The following ITPR1 variants were observed in gnomAD, a reference collection of about 807,000 sequenced individuals.
The protein encoded by ITPR1 is inositol 1,4,5-trisphosphate-gated calcium channel ITPR1.
ITPR1 carries 96 observed loss-of-function variants against 318.4 expected under a neutral mutation model. That is an observed-to-expected ratio of 0.30 (90% confidence interval 0.26 to 0.36). The LOEUF is 0.36. ITPR1 is among the 10% of genes least tolerant of loss of function. The pLI, the probability that ITPR1 is intolerant of heterozygous loss-of-function variation, is 1.00. For synonymous variants in ITPR1, 1,312 were observed against 1,289.9 expected (o/e 1.02, Z -0.37); for missense variants, 2,440 against 3,460.2 (o/e 0.71, Z 7.40).
At chr3:4,499,130 C>T (rs1019985846) in intron 2 of ITPR1, among the ~76,000 whole-genome samples, 1 of 152,102 alleles carries the variant, frequency 6.6e-6, no homozygotes, top group Non-Finnish European at 1.5e-5. Context: ...AGCTACTGTA[C>T]TCCAGCAAGA....
rs563658274 is a variant in ITPR1 at position 4,585,676 on chromosome 3, A to C, written c.164-42087A>C. Among the ~76,000 whole-genome samples, 5 of 152,010 alleles carry C rather than the reference A, an allele frequency of 3.3e-5. No individual in the cohort carries two copies. In the South Asian group the frequency reaches 1.0e-3, roughly 32 times the overall value. ...GGTCTCGAACTCCTGACCTCAAGTG[A>C]TCTACCTGCCTCAGCCTCCCAAAGT... is the stretch of plus-strand genomic sequence containing the variant. On this transcript the variant is annotated intron_variant, in intron 4 of 61. Coordinates refer to ENST00000649015, the MANE Select transcript of ITPR1 (RefSeq NM_001378452.1).
At chr3:4,741,474 C>T (rs187328708) in intron 44 of ITPR1, among the ~76,000 whole-genome samples, 43 of 152,204 alleles carry the variant, frequency 2.8e-4, no homozygotes, top group African/African-American at 9.1e-4. Flanking sequence ...AGAAGTGCTC[C>T]GTCAGGAAAC....
At chr3:4,677,916 A>G (rs1490547155) in intron 24 of ITPR1, among the ~76,000 whole-genome samples, 2 of 125,092 alleles carry the variant, frequency 1.6e-5, no homozygotes, top group Non-Finnish European at 3.7e-5. Context: ...GCCTCTCTAC[A>G]GCTTTGAACC....
intron 4 of ITPR1, among the ~76,000 whole-genome samples, chr3:4,597,479 G>A (rs9871881): frequency 0.7 from 105,858 of 151,980 alleles, 38,253 homozygotes; most frequent in Non-Finnish European, 0.82. Flanking sequence ...ACAGTAATCC[G>A]AGGCCGTATA....
chr3:4,495,945 A>T (rs181257770), intron 2 of ITPR1, among the ~76,000 whole-genome samples: 1 of 152,324 alleles, frequency 6.6e-6, no homozygotes. Context: ...CATAACATTG[A>T]TGTAAGAAGG....
At chr3:4,613,665 T>C (rs2092263007) in intron 4 of ITPR1, among the ~76,000 whole-genome samples, 1 of 152,202 alleles carries the variant, frequency 6.6e-6, no homozygotes, top group Non-Finnish European at 1.5e-5. Context: ...AAAGCATGTT[T>C]TTCCAGCAGT....
At chr3:4,825,608 C>T (rs1048153641) in intron 60 of ITPR1, 1 of 405,656 alleles carries the variant, frequency 2.5e-6, no homozygotes, top group African/African-American at 2.1e-5. Flanking sequence ...GGCCCTTGTG[C>T]TTATCTGTAT....
At chr3:4,801,903 G>A (rs531868462) in intron 54 of ITPR1, among the ~76,000 whole-genome samples, 6 of 152,294 alleles carry the variant, frequency 3.9e-5, no homozygotes, top group African/African-American at 9.6e-5. Context: ...GGGAAAGCTC[G>A]GGATGTTATC....
chr3:4,792,089 C>T (rs1418113201), intron 52 of ITPR1, among the ~76,000 whole-genome samples: 1 of 152,210 alleles, frequency 6.6e-6, no homozygotes, highest in African/African-American at 2.4e-5. Flanking sequence ...CTCCCTCCAC[C>T]TTCAAAGCAG....
In ITPR1 at chr3:4,711,739, G is replaced by T; in HGVS notation, c.4992-18G>T. 7.4e-7 allele frequency: 1 copy of T among 1,345,146 alleles called. No individual in the cohort carries two copies. Among genetic ancestry groups the T allele is most frequent in the East Asian group, 2.5e-5 (1 of 39,942 alleles). The allele number at this position is 1,345,146 out of a possible 1,614,324, so 83.3% of individuals were successfully genotyped here. On this transcript the variant is annotated intron_variant, in intron 38 of 61. Transcript: ENST00000649015. Reference sequence around the variant, plus strand: ...AATTAGCTTCAAGGAAGTAATCCGTGGTTTTCCCCCCATTCAGGTTAATAA... The same window carrying T: ...AATTAGCTTCAAGGAAGTAATCCGTTGTTTTCCCCCCATTCAGGTTAATAA...
At chr3:4,532,219 G>A (rs1264092475) in intron 4 of ITPR1, among the ~76,000 whole-genome samples, 7 of 152,140 alleles carry the variant, frequency 4.6e-5, no homozygotes, top group African/African-American at 1.4e-4. Context: ...GAACTAAAAT[G>A]TTTGTGGAAT....
chr3:4,731,766 G>A (rs1308519667), intron 42 of ITPR1, among the ~76,000 whole-genome samples: 5 of 152,080 alleles, frequency 3.3e-5, no homozygotes, highest in Non-Finnish European at 7.4e-5. Flanking sequence ...GGTGCCTCAC[G>A]TTTCCCAGGG....
Position 4,691,126 on chromosome 3 carries a change from T to C in ITPR1, c.3829-18T>C, listed in dbSNP as rs1242797858. 2 of 1,580,514 alleles carry C rather than the reference T, an allele frequency of 1.3e-6. No individual in the cohort carries two copies. Among genetic ancestry groups the C allele is most frequent in the South Asian group, 2.3e-5 (2 of 86,434 alleles). ...TTTTTGACTTGTCCCTGTGCTCTTTTCCTCACTCTTGTGCCAGATCCTGGA... is the reference window on the plus strand; with the variant it reads ...TTTTTGACTTGTCCCTGTGCTCTTTCCCTCACTCTTGTGCCAGATCCTGGA... On this transcript the variant is annotated intron_variant, in intron 31 of 61. Transcript: ENST00000649015.
At chr3:4,663,860 T>C (rs905687988) in intron 16 of ITPR1, among the ~76,000 whole-genome samples, 5 of 152,222 alleles carry the variant, frequency 3.3e-5, no homozygotes, top group African/African-American at 7.2e-5. Flanking sequence ...ACTGCATGCA[T>C]TGTTTTCCCT....
At chr3:4,619,846 TTC>T (rs2125114639) in intron 4 of ITPR1, among the ~76,000 whole-genome samples, 1 of 118,980 alleles carries the variant, frequency 8.4e-6, no homozygotes, top group East Asian at 2.9e-4. Flanking sequence ...TCCCCTCTCC[TTC>T]TCTCTTTTCT....
chr3:4,538,385 A>T (rs867648362), intron 4 of ITPR1, among the ~76,000 whole-genome samples: 3 of 152,246 alleles, frequency 2.0e-5, no homozygotes, highest in Non-Finnish European at 4.4e-5. Flanking sequence ...ATTATTAAAA[A>T]GTCAGGAACA....
At chr3:4,540,235 G>A (rs1250195067) in intron 4 of ITPR1, among the ~76,000 whole-genome samples, 1 of 151,988 alleles carries the variant, frequency 6.6e-6, no homozygotes, top group Admixed American at 6.5e-5. Flanking sequence ...TTATCATTAT[G>A]TAAGAAACAT....
At chr3:4,531,883 G>C (rs760588796) in intron 4 of ITPR1, among the ~76,000 whole-genome samples, 1 of 152,114 alleles carries the variant, frequency 6.6e-6, no homozygotes, top group Admixed American at 6.6e-5. Flanking sequence ...AGACCCTGTG[G>C]GTTTGGCTCT....
At chr3:4,801,384 G>T (rs772335084) in intron 54 of ITPR1, among the ~76,000 whole-genome samples, 9 of 152,158 alleles carry the variant, frequency 5.9e-5, no homozygotes, top group Non-Finnish European at 1.2e-4. Flanking sequence ...GTATTCAAAT[G>T]GCACAGGCAG....
Sources: gnomAD v4.1 joint callset for allele counts (sites outside exome capture counted in the v4.1 genomes callset) on GRCh38, gnomAD v4.1.1 for gene constraint, MANE v1.5 for transcripts, NCBI Gene and HGNC (gene_info 2026-07-23, HGNC 2026-07-21) for gene names.